EML2: variants seen among roughly 807,000 people sequenced by gnomAD.
The protein encoded by EML2 is EMAP like 2, also known as echinoderm microtubule-associated protein-like 2.
Under a neutral mutation model 84.7 loss-of-function variants are expected in EML2, and 59 were observed. The observed-to-expected ratio is 0.70, with a 90% confidence interval of 0.56 to 0.86. The LOEUF is 0.86. Ranked by LOEUF, EML2 falls within the 40% of genes least tolerant of loss-of-function variation. The pLI, the probability that EML2 is intolerant of heterozygous loss-of-function variation, is 0.00. For synonymous variants in EML2, 352 were observed against 348.9 expected, an observed-to-expected ratio of 1.01 and a Z score of -0.10; for missense variants, 818 against 855.6, an observed-to-expected ratio of 0.96 and a Z score of 0.55.
chr19:45,615,728 C>A, intron 16 of EML2, 74 bp downstream of exon 16: 1 of 1,331,566 alleles, frequency 7.5e-7, no homozygotes, highest in Non-Finnish European at 1.1e-6. Context: ...AAGCCCCTCC[C>A]TCCCCTCCCA....
intron 9 of EML2, among the ~76,000 whole-genome samples, chr19:45,621,889 C>T (rs181661175): frequency 3.3e-5 from 5 of 152,096 alleles, no homozygotes; most frequent in African/African-American, 7.2e-5. Flanking sequence ...GGATTACAGG[C>T]GCCCACCACC....
intron 13 of EML2, 56 bp downstream of exon 13, chr19:45,617,574 G>C (rs1365244340): frequency 1.3e-6 from 2 of 1,487,222 alleles, no homozygotes; most frequent in African/African-American, 1.4e-5. Context: ...GAGGGAAGAA[G>C]GGCCAGTTCC....
At position 45,633,786 on chromosome 19, in the gene EML2, C is replaced by G. The variant is rs543468905; in HGVS notation, c.329+536G>C. On this transcript the variant is annotated intron_variant, in intron 4 of 18. Coordinates refer to ENST00000245925, the MANE Select transcript of EML2 (RefSeq NM_012155.4). Reference sequence around the variant, plus strand: ...AGGAGATGGAGTCTCGCTCTGTCCCCCAGGCTAGAGTGCAGTGGCAGGATC... The same window carrying G: ...AGGAGATGGAGTCTCGCTCTGTCCCGCAGGCTAGAGTGCAGTGGCAGGATC... 2.6e-5 allele frequency among the ~76,000 whole-genome samples: 4 copies of G among 152,230 alleles called. No homozygotes were observed. The South Asian group carries it at 8.3e-4, about 32-fold the overall frequency.
At chr19:45,621,147 G>A in intron 11 of EML2, 60 bp downstream of exon 11, 1 of 1,586,006 alleles carries the variant, frequency 6.3e-7, no homozygotes. Context: ...AGTGGATGAT[G>A]CAGGGAAGGC....
At position 45,638,849 on chromosome 19, in the gene EML2, A is replaced by C. The variant is rs1177953099; in HGVS notation, c.45T>G (p.Ser15Arg). The C allele has an allele frequency of 1.2e-6, 2 of 1,613,102 alleles. No homozygotes were observed. Among genetic ancestry groups the C allele is most frequent in the East Asian group, 4.5e-5 (2 of 44,812 alleles). Residue 15 changes from serine to arginine, a missense_variant, in exon 2 of 19, where the codon AGT becomes AGG. By Grantham distance (110) the Ser-to-Arg change is moderately radical. Coordinates refer to ENST00000245925, the MANE Select transcript of EML2 (RefSeq NM_012155.4). ...GAGKTKEVIFSVEDGSVKMFL... is the reference protein window; with the variant it reads ...GAGKTKEVIFRVEDGSVKMFL... ...CTTCCCCATCTCCCCACTCACCCACACTGAAGATAACTTCTTTGGTTTTGC... is the reference window on the plus strand; with the variant it reads ...CTTCCCCATCTCCCCACTCACCCACCCTGAAGATAACTTCTTTGGTTTTGC...
intron 3 of EML2, 101 bp from the exon 4 acceptor site, chr19:45,634,572 AT>A: frequency 2.2e-6 from 2 of 925,552 alleles, no homozygotes; most frequent in Non-Finnish European, 2.7e-6. Flanking sequence ...TTATTTATTT[AT>A]TTTTTTGAGA....
upstream of EML2, among the ~76,000 whole-genome samples, chr19:45,644,086 C>T (rs899213992): frequency 2.6e-5 from 4 of 152,226 alleles, no homozygotes; most frequent in Non-Finnish European, 5.9e-5. Flanking sequence ...AAAATGGCAT[C>T]TGTTACTGTG....
intron 11 of EML2, 118 bp from the exon 12 acceptor site, chr19:45,619,309 C>T (rs1971437074): frequency 1.1e-5 from 14 of 1,316,734 alleles, no homozygotes; most frequent in Non-Finnish European, 1.2e-5. Flanking sequence ...CAGCGGGACC[C>T]AGGGAAGACC....
chr19:45,616,965 G>T, intron 13 of EML2, 112 bp from the exon 14 acceptor site: 1 of 781,178 alleles, frequency 1.3e-6, no homozygotes, highest in Non-Finnish European at 2.2e-6. Context: ...AGTGACCTGG[G>T]CTGGGCACGG....
intron 11 of EML2, among the ~76,000 whole-genome samples, chr19:45,620,586 A>G (rs1971565985): frequency 6.6e-6 from 1 of 151,396 alleles, no homozygotes; most frequent in Non-Finnish European, 1.5e-5. Context: ...GTACATGCCT[A>G]TAATTCCAGC....
chr19:45,633,617 T>G lies in EML2; in HGVS notation c.330-478A>C, dbSNP rs149156355. On this transcript the variant is annotated intron_variant, in intron 4 of 18. Transcript: ENST00000245925. ...AGCTGGGCGTGGTGGCGGGCACCTG[T>G]AGTTCCAGCTACTCGGGAGACTGAG... Among the ~76,000 whole-genome samples, 5 of 152,174 alleles carry G rather than the reference T, an allele frequency of 3.3e-5. No homozygotes were observed. The East Asian group carries it at 9.7e-4, about 29-fold the overall frequency.
upstream of EML2, chr19:45,643,441 CAG>C: frequency 1.9e-6 from 2 of 1,070,008 alleles, no homozygotes; most frequent in Admixed American, 2.1e-5. Flanking sequence ...CCCCGCGCCC[CAG>C]ATTTGGCTCT....
At chr19:45,610,274 G>A (rs748841589) in intron 18 of EML2, among the ~76,000 whole-genome samples, 26 of 152,054 alleles carry the variant, frequency 1.7e-4, no homozygotes, top group Admixed American at 6.5e-4. Context: ...GCGCATGCCC[G>A]TAATCCGAGC....
rs781181360 is a variant in EML2, at chr19:45,613,618, G to C, written c.1747C>G (p.His583Asp). The change falls in exon 18 of 19, where the codon CAT (histidine) becomes GAT (aspartate). Residue 583 changes from histidine to aspartate, a missense_variant. Physicochemically the swap from His to Asp is moderately conservative, Grantham distance 81 (BLOSUM62 -1). Coordinates refer to ENST00000245925, the MANE Select transcript of EML2 (RefSeq NM_012155.4). ...GTDINAVARSHDGKLLASADD... is the reference protein window; with the variant it reads ...GTDINAVARSDDGKLLASADD... ...GCTGAAGCCAGCAACTTCCCATCAT[G>C]AGAGCGGGCCACAGCGTTGATATCA... 1 of 1,614,084 alleles carries C rather than the reference G, an allele frequency of 6.2e-7. No individual in the cohort carries two copies. The highest frequency in any genetic ancestry group is 8.5e-7 in the Non-Finnish European group (1 of 1,180,016).
rs1415828776 is a variant in EML2, at chr19:45,613,549, G to C, written c.1816C>G (p.Gln606Glu). The change falls in exon 18 of 19, where the codon CAG becomes GAG. Residue 606 changes from glutamine to glutamate, a missense_variant. By Grantham distance (29) the Gln-to-Glu change is conservative (BLOSUM62 2). Coordinates refer to ENST00000245925, the MANE Select transcript of EML2 (RefSeq NM_012155.4). ...KVHLFSYPCC[Q>E]PRALSHKYGG... ...CTCCCCAAGGGACTCACTCGAGGCT[G>C]ACAGCAGGGGTAGCTAAACAGGTGA... The C allele has an allele frequency of 2.5e-6, 4 of 1,613,996 alleles. No homozygotes were observed. Among genetic ancestry groups the C allele is most frequent in the South Asian group, 1.1e-5 (1 of 91,064 alleles).
upstream of EML2, chr19:45,642,361 C>A: frequency 6.6e-7 from 1 of 1,525,734 alleles, no homozygotes; most frequent in Non-Finnish European, 8.8e-7. Flanking sequence ...ATCTGGAAGA[C>A]GGGGGAGTGC....
At chr19:45,611,411 CAAA>C (rs912956135) in intron 18 of EML2, among the ~76,000 whole-genome samples, 1 of 144,352 alleles carries the variant, frequency 6.9e-6, no homozygotes. Flanking sequence ...AACTCTGTCT[CAAA>C]AAAAAAAAAG....
At chr19:45,643,829 C>A, upstream of EML2, 2 of 1,383,490 alleles carry the variant, frequency 1.4e-6, no homozygotes, top group Non-Finnish European at 1.9e-6. Context: ...GTGCCTGGAC[C>A]TGCAGAGGGA....
rs936049148 is a variant in EML2, at chr19:45,625,814, A to T, written c.741+891T>A. 7.2e-5 allele frequency among the ~76,000 whole-genome samples: 11 copies of T among 152,304 alleles called. No individual in the cohort carries two copies. In the South Asian group the frequency reaches 1.7e-3, roughly 23 times the overall value. ...CAACTTGTGGCTCTCTCAGCCAGGCAGCCTCTGAGTTCTCTGATTATCCAT... is the reference window on the plus strand; with the variant it reads ...CAACTTGTGGCTCTCTCAGCCAGGCTGCCTCTGAGTTCTCTGATTATCCAT... On this transcript the variant is annotated intron_variant, in intron 8 of 18. Transcript: ENST00000245925.
Sources: gnomAD v4.1 joint callset for allele counts (sites outside exome capture counted in the v4.1 genomes callset) on GRCh38, gnomAD v4.1.1 for gene constraint, MANE v1.5 for transcripts, NCBI Gene and HGNC (gene_info 2026-07-23, HGNC 2026-07-21) for gene names.